The following CDYL variants were observed in gnomAD, a reference collection of about 807,000 sequenced individuals.
CDYL encodes chromodomain Y-like protein.
A neutral mutation model predicts 47.3 loss-of-function variants in CDYL; 8 were observed. The ratio of observed to expected loss-of-function variants is 0.17; its 90% CI spans 0.10 to 0.31. The LOEUF (loss-of-function observed/expected upper bound fraction) is 0.31, where lower values mean the gene tolerates loss of function less well. Ranked by LOEUF, CDYL falls within the 10% of genes least tolerant of loss-of-function variation. The pLI, the probability that CDYL is intolerant of heterozygous loss-of-function variation, is 1.00. For synonymous variants in CDYL, 266 were observed against 265.0 expected, an observed-to-expected ratio of 1.00 and a Z score of -0.04; for missense variants, 471 against 701.4, an observed-to-expected ratio of 0.67 and a Z score of 3.71.
rs550520827 is a variant in CDYL, at chr6:4,728,034, C to T, written c.104-6728C>T. Among the ~76,000 whole-genome samples the T allele has an allele frequency of 1.9e-3, 285 of 152,308 alleles. 2 individuals carry two copies. The highest frequency in any genetic ancestry group is 6.6e-3 in the African/African-American group (273 of 41,536). ...TTGGTTAGAGGGTTTACAACTGAGA[C>T]GACCTACAAGTGCCCATTTGATAGT... On this transcript the variant is annotated intron_variant, in intron 2 of 8. Coordinates refer to the CDYL transcript ENST00000328908.
intron 1 of CDYL, among the ~76,000 whole-genome samples, chr6:4,799,201 G>C (rs1234450726): frequency 6.6e-6 from 1 of 152,100 alleles, no homozygotes; most frequent in Non-Finnish European, 1.5e-5. Context: ...TTAAATTGTG[G>C]ATATTTGAGG....
intron 1 of CDYL, among the ~76,000 whole-genome samples, chr6:4,793,028 C>T (rs954569040): frequency 6.6e-6 from 1 of 152,140 alleles, no homozygotes; most frequent in African/African-American, 2.4e-5. Context: ...TTTCCTGATT[C>T]ATACCATGCT....
chr6:4,881,014 T>C (rs957626885), intron 1 of CDYL, among the ~76,000 whole-genome samples: 3 of 152,232 alleles, frequency 2.0e-5, no homozygotes, highest in African/African-American at 7.2e-5. Context: ...GCATTTTCTT[T>C]TACCATTCTT....
At chr6:4,731,328 C>T (rs1757601323) in intron 2 of CDYL, among the ~76,000 whole-genome samples, 1 of 152,170 alleles carries the variant, frequency 6.6e-6, no homozygotes, top group South Asian at 2.1e-4. Flanking sequence ...ATAAATCCTT[C>T]TTACAGTATT....
At chr6:4,885,196 G>C (rs1268798495) in intron 1 of CDYL, among the ~76,000 whole-genome samples, 1 of 152,128 alleles carries the variant, frequency 6.6e-6, no homozygotes, top group Non-Finnish European at 1.5e-5. Context: ...GTCTTGCTAT[G>C]TTGTCCAGGC....
intron 1 of CDYL, among the ~76,000 whole-genome samples, chr6:4,782,679 G>A (rs150694437): frequency 7.9e-4 from 120 of 152,236 alleles, no homozygotes; most frequent in African/African-American, 2.6e-3. Context: ...GTACATATGA[G>A]CATATTTCAG....
At chr6:4,818,089 C>G (rs1366885130) in intron 1 of CDYL, among the ~76,000 whole-genome samples, 3 of 151,984 alleles carry the variant, frequency 2.0e-5, no homozygotes, top group Non-Finnish European at 4.4e-5. Flanking sequence ...AACCACTTCT[C>G]TACAAAAAAT....
chr6:4,828,292 C>G (rs954795851), intron 1 of CDYL, among the ~76,000 whole-genome samples: 7 of 116,800 alleles, frequency 6.0e-5, no homozygotes, highest in Admixed American at 3.4e-4. Context: ...GGGTCTTGCT[C>G]TGTTGCCCAG....
chr6:4,868,913 G>A (rs979314215), intron 1 of CDYL, among the ~76,000 whole-genome samples: 4 of 152,050 alleles, frequency 2.6e-5, no homozygotes, highest in African/African-American at 9.7e-5. Context: ...TTTGTCTGTA[G>A]TAATATTTAT....
chr6:4,853,728 C>A (rs1324689891), intron 1 of CDYL, among the ~76,000 whole-genome samples: 1 of 152,236 alleles, frequency 6.6e-6, no homozygotes, highest in African/African-American at 2.4e-5. Context: ...GCAGCTGTCA[C>A]CTTTGCGTAC....
chr6:4,723,405 G>GACAGT (rs2127410729), intron 2 of CDYL, among the ~76,000 whole-genome samples: 1 of 152,186 alleles, frequency 6.6e-6, no homozygotes, highest in South Asian at 2.1e-4. Flanking sequence ...GCAGGAGACG[G>GACAGT]ACAGTACAGC....
chr6:4,762,901 G>A (rs551654469), intron 3 of CDYL, among the ~76,000 whole-genome samples: 1 of 152,204 alleles, frequency 6.6e-6, no homozygotes, highest in South Asian at 2.1e-4. Flanking sequence ...ACAAAATTTT[G>A]CAAGCTGGTA....
chr6:4,759,878 T>TAAAAAAAA (rs1267590745), intron 3 of CDYL, among the ~76,000 whole-genome samples: 1 of 3,512 alleles, frequency 2.8e-4, no homozygotes. Context: ...AAACTCCATC[T>TAAAAAAAA]CAAAAAAAAA....
intron 5 of CDYL, among the ~76,000 whole-genome samples, chr6:4,944,050 C>T (rs765930379): frequency 6.6e-6 from 1 of 152,162 alleles, no homozygotes; most frequent in Non-Finnish European, 1.5e-5. Flanking sequence ...AAGTTCTTCA[C>T]CTAATAACTT....
chr6:4,895,247 GTA>G (rs1348423951), intron 2 of CDYL, among the ~76,000 whole-genome samples: 1 of 96,252 alleles, frequency 1.0e-5, no homozygotes, highest in African/African-American at 4.3e-5. Context: ...GTACAGATGT[GTA>G]TATATGTGCA....
chr6:4,742,429 A>G (rs1179638524), intron 3 of CDYL, among the ~76,000 whole-genome samples: 2 of 151,930 alleles, frequency 1.3e-5, no homozygotes, highest in African/African-American at 2.4e-5. Flanking sequence ...GTCCATAGCA[A>G]TGATCAAATC....
chr6:4,952,103 C>T (rs115234392), intron 5 of CDYL, among the ~76,000 whole-genome samples, 163 bp from the exon 6 acceptor site: 2,939 of 152,310 alleles, frequency 0.019, 86 homozygotes, highest in African/African-American at 0.067. Context: ...ATGGACTGCA[C>T]CTTGCACAGG....
chr6:4,900,628 T>A (rs1055317279), intron 2 of CDYL, among the ~76,000 whole-genome samples: 2 of 151,680 alleles, frequency 1.3e-5, no homozygotes, highest in Non-Finnish European at 2.9e-5. Flanking sequence ...AGTACATATT[T>A]ACCTATTCTT....
chr6:4,747,028 G>C (rs1757910301), intron 3 of CDYL, among the ~76,000 whole-genome samples: 2 of 152,144 alleles, frequency 1.3e-5, no homozygotes, highest in Non-Finnish European at 1.5e-5. Flanking sequence ...ATAGGCATTG[G>C]TCAGGCACAG....
Sources: gnomAD v4.1 joint callset for allele counts (sites outside exome capture counted in the v4.1 genomes callset) on GRCh38, gnomAD v4.1.1 for gene constraint, MANE v1.5 for transcripts, NCBI Gene and HGNC (gene_info 2026-07-23, HGNC 2026-07-21) for gene names.